Variants in NCKAP5L observed in about 807,000 individuals in gnomAD.
NCKAP5L encodes the protein NCK associated protein 5 like.
NCKAP5L carries 54 observed loss-of-function variants against 103.2 expected under a neutral mutation model. That is an observed-to-expected ratio of 0.52 (90% CI 0.42 to 0.66). The LOEUF (loss-of-function observed/expected upper bound fraction) is 0.66, where lower values mean the gene tolerates loss of function less well. NCKAP5L is among the 30% of genes least tolerant of loss of function. The pLI, the probability that NCKAP5L is intolerant of heterozygous loss-of-function variation, is 0.00. For synonymous variants in NCKAP5L, 762 were observed against 748.6 expected (o/e 1.02, Z -0.29); for missense variants, 1,733 against 1,750.6 (o/e 0.99, Z 0.18).
At position 49,795,310 on chromosome 12, in the gene NCKAP5L, C is replaced by T; in HGVS notation, c.2550G>A (p.Trp850Ter). The change falls in exon 8 of 13, where the codon TGG (tryptophan) becomes TGA (stop). Residue 850 changes from tryptophan to a stop codon, truncating the protein, a stop_gained. Coordinates refer to ENST00000335999, the MANE Select transcript of NCKAP5L (RefSeq NM_001037806.4). LOFTEE classifies it high-confidence loss of function. ...GGGCCGTGGTACTACCACAGTCTGC[C>T]CAGGGAGGGCCCTTCCCTTTGTCAG... Reference protein sequence around the residue: ...PKPDKGKGPPWADCGSTTAQS... With the variant: ...PKPDKGKGPP The T allele has an allele frequency of 6.5e-7, 1 of 1,529,404 alleles. No individual in the cohort carries two copies. Among genetic ancestry groups the T allele is most frequent in the Non-Finnish European group, 8.8e-7 (1 of 1,141,636 alleles). 94.7% of individuals were successfully genotyped at this position (1,529,404 alleles called of 1,614,324 possible).
At position 49,791,667 on chromosome 12, in the gene NCKAP5L, CGCCGAA is replaced by C. The variant is rs753749178; in HGVS notation, c.*166_*171del. 5 of 570,566 alleles carry C rather than the reference CGCCGAA, an allele frequency of 8.8e-6. No individual in the cohort carries two copies. Among genetic ancestry groups the C allele is most frequent in the African/African-American group, 1.9e-5 (1 of 52,722 alleles). The allele number at this position is 570,566 out of a possible 1,614,324, so 35.3% of individuals were successfully genotyped here. A position where few individuals can be genotyped will look rare whatever the true frequency, so the allele number is the denominator to read the frequency against. The stretch of plus-strand genomic sequence containing the variant: ...CTGAGCTGAGCACGGTCATCTCATC[CGCCGAA>C]GCAGTGGGTGGTGGGGTGTGCCAGG... On this transcript the variant is annotated 3_prime_UTR_variant, in exon 13 of 13. Coordinates refer to ENST00000335999, the MANE Select transcript of NCKAP5L (RefSeq NM_001037806.4).
At chr12:49,794,669 A>G in intron 8 of NCKAP5L, 96 bp downstream of exon 8, 3 of 983,624 alleles carry the variant, frequency 3.0e-6, no homozygotes, top group East Asian at 1.0e-4. Context: ...CCCAGCTCCC[A>G]GGAAAAGCAG....
At chr12:49,809,718 G>A (rs1309909952) in intron 1 of NCKAP5L, among the ~76,000 whole-genome samples, 3 of 152,172 alleles carry the variant, frequency 2.0e-5, no homozygotes, top group African/African-American at 7.2e-5. Flanking sequence ...GGAGTGTGGG[G>A]AGGGATAGGA....
chr12:49,796,230 T>C lies in NCKAP5L; in HGVS notation c.1630A>G (p.Thr544Ala), dbSNP rs1946039933. 3.2e-6 allele frequency: 5 copies of C among 1,579,828 alleles called. No individual in the cohort carries two copies. Among genetic ancestry groups the C allele is most frequent in the Non-Finnish European group, 4.3e-6 (5 of 1,163,742 alleles). Residue 544 changes from threonine (T) to alanine (A), a missense_variant, in exon 8 of 13, where the codon ACC becomes GCC. By Grantham distance (58) the Thr-to-Ala change is moderately conservative. Transcript: ENST00000335999. Reference sequence around the variant, plus strand: ...ACCACTGGGCCTGGGGACAGCGTGGTGGACAAGGCTGACTGCGGGGGTCTG... The same window carrying C: ...ACCACTGGGCCTGGGGACAGCGTGGCGGACAAGGCTGACTGCGGGGGTCTG... ...QLRPPQSALS[T>A]TLSPGPVVSP...
chr12:49,804,880 T>C (rs1946162453), intron 2 of NCKAP5L: 1 of 152,300 alleles, frequency 6.6e-6, no homozygotes, highest in Admixed American at 6.5e-5. Context: ...CCCTTAGCTC[T>C]AGCTCTGGCT....
At chr12:49,823,154 T>A (rs1946379398) in intron 1 of NCKAP5L, among the ~76,000 whole-genome samples, 2 of 152,026 alleles carry the variant, frequency 1.3e-5, no homozygotes, top group African/African-American at 4.8e-5. Flanking sequence ...CAGAAGTTGG[T>A]CAGGGGCACT....
At position 49,792,781 on chromosome 12, in the gene NCKAP5L, G is replaced by T; in HGVS notation, c.3546C>A (p.Gly1182=). 6.2e-7 allele frequency: 1 copy of T among 1,607,936 alleles called. No homozygotes were observed. Among genetic ancestry groups the T allele is most frequent in the South Asian group, 1.1e-5 (1 of 90,642 alleles). Residue 1182 remains glycine (G), a synonymous_variant, in exon 11 of 13, where the codon GGC becomes GGA. Transcript: ENST00000335999. The surrounding 1 kb of genome is among the most constrained non-coding windows in gnomAD (Gnocchi z 4.5). ...GCCCACTCACCAGCAGCTCCTCTAT[G>T]CCTGGCACCTCCCGCTCCAGTGTGT... The part of the protein sequence containing the change: ...RAHTLEREVP[G]IEELLVSGRH...
Position 49,797,321 on chromosome 12 carries a change from A to G in NCKAP5L, c.539T>C (p.Leu180Pro). 1 of 1,612,784 alleles carries G rather than the reference A, an allele frequency of 6.2e-7. No individual in the cohort carries two copies. Among genetic ancestry groups the G allele is most frequent in the Non-Finnish European group, 8.5e-7 (1 of 1,179,644 alleles). The change falls in exon 8 of 13, where the codon CTA becomes CCA. Residue 180 changes from leucine (L) to proline (P), a missense_variant. By Grantham distance (98) the Leu-to-Pro change is moderately conservative (BLOSUM62 -3). Coordinates refer to ENST00000335999, the MANE Select transcript of NCKAP5L (RefSeq NM_001037806.4). This position sits in a 1 kb window ranked among gnomAD's most constrained non-coding sequence, Gnocchi z 4.5. ...GGCCTTCTTCCGAAGGAACGGGGAT[A>G]GGGCATCCAGCGCTGGGGGTGGGGC... is the stretch of plus-strand genomic sequence containing the variant. The part of the protein sequence containing the change: ...PAAPPPALDA[L>P]SPFLRKKAQI...
chr12:49,810,213 G>A (rs555694416), intron 1 of NCKAP5L, among the ~76,000 whole-genome samples: 1 of 152,080 alleles, frequency 6.6e-6, no homozygotes, highest in South Asian at 2.1e-4. Context: ...GAGGGAAGGG[G>A]TGCCGACACA....
intron 1 of NCKAP5L, among the ~76,000 whole-genome samples, chr12:49,814,046 T>G (rs1230508642): frequency 6.6e-6 from 1 of 151,980 alleles, no homozygotes. Flanking sequence ...CTCCTCCTAG[T>G]AATCCTCCTG....
chr12:49,792,496 G>C lies in NCKAP5L; in HGVS notation c.3742C>G (p.Pro1248Ala), dbSNP rs1470994925. ...AGTTGTCGGGGTGGGCACATGAGAG[G>C]GTCCGAGGAGCTGCCGGCTGCCCTA... ...NTRAAGSSSD[P>A]LMCPPRQLEG... The change falls in exon 12 of 13, where the codon CCT (proline) becomes GCT (alanine). Residue 1248 changes from proline (P) to alanine (A), a missense_variant. Physicochemically the swap from Pro to Ala is conservative, Grantham distance 27 (BLOSUM62 -1). Transcript: ENST00000335999. The surrounding 1 kb of genome is among the most constrained non-coding windows in gnomAD (Gnocchi z 4.5). 4 of 1,613,382 alleles carry C rather than the reference G, an allele frequency of 2.5e-6. No homozygotes were observed. The highest frequency in any genetic ancestry group is 3.4e-6 in the Non-Finnish European group (4 of 1,179,630).
At chr12:49,814,160 T>TTATATA (rs141969862) in intron 1 of NCKAP5L, among the ~76,000 whole-genome samples, 3 of 124,640 alleles carry the variant, frequency 2.4e-5, no homozygotes, top group East Asian at 4.1e-4. Flanking sequence ...TATTTTATAT[T>TTATATA]TATATATATA....
Position 49,797,705 on chromosome 12 carries a change from ACTC to A in NCKAP5L, c.466-314_466-312del. Among the ~76,000 whole-genome samples the A allele has an allele frequency of 6.6e-6, 1 of 151,618 alleles. No homozygotes were observed. Among genetic ancestry groups the A allele is most frequent in the East Asian group, 1.9e-4 (1 of 5,140 alleles). On this transcript the variant is annotated intron_variant, in intron 7 of 12. Coordinates refer to ENST00000335999, the MANE Select transcript of NCKAP5L (RefSeq NM_001037806.4). This position sits in a 1 kb window ranked among gnomAD's most constrained non-coding sequence, Gnocchi z 4.5. Reference sequence around the variant, plus strand: ...GGATTAGCAGGGCTGACCACCTAAAACTCTGACCTCTGTGTTTGTCCCAGGGGA... The same window carrying A: ...GGATTAGCAGGGCTGACCACCTAAAATGACCTCTGTGTTTGTCCCAGGGGA...
intron 1 of NCKAP5L, among the ~76,000 whole-genome samples, chr12:49,813,649 G>A (rs754385994): frequency 1.5e-4 from 23 of 151,908 alleles, no homozygotes; most frequent in African/African-American, 4.4e-4. Flanking sequence ...TGTCTCAGCC[G>A]TCCGAGTACC....
At chr12:49,806,951 C>A (rs977997052) in intron 1 of NCKAP5L, among the ~76,000 whole-genome samples, 1 of 152,238 alleles carries the variant, frequency 6.6e-6, no homozygotes, top group African/African-American at 2.4e-5. Flanking sequence ...CTGACAGAGG[C>A]ACAGTACAAA....
At chr12:49,811,016 T>G (rs1311208141) in intron 1 of NCKAP5L, among the ~76,000 whole-genome samples, 1 of 152,176 alleles carries the variant, frequency 6.6e-6, no homozygotes, top group Non-Finnish European at 1.5e-5. Context: ...ATCTATTAGC[T>G]ACACCTGGCT....
intron 1 of NCKAP5L, among the ~76,000 whole-genome samples, chr12:49,807,273 G>GTGTGTA (rs1592755071): frequency 6.6e-6 from 1 of 152,016 alleles, no homozygotes; most frequent in East Asian, 1.9e-4. Flanking sequence ...GTGTGTGTGT[G>GTGTGTA]TACACAACAG....
rs746910214 is a variant in NCKAP5L at position 49,791,866 on chromosome 12, C to T, written c.3978G>A (p.Ser1326=). ...SESLSDSLYD[S]LSSCGSQG is the part of the protein sequence containing the mutation. ...AGCCCTGACTCCCACAAGAGGACAG[C>T]GAGTCGTAGAGTGAGTCACTGAGAG... Residue 1326 remains serine (S), a synonymous_variant, in exon 13 of 13, where the codon TCG becomes TCA. Coordinates refer to ENST00000335999, the MANE Select transcript of NCKAP5L (RefSeq NM_001037806.4). The T allele has an allele frequency of 2.1e-5, 33 of 1,609,378 alleles. 1 individual carries two copies. In the South Asian group the frequency reaches 2.9e-4, roughly 14 times the overall value.
Position 49,795,638 on chromosome 12 carries a change from G to A in NCKAP5L, c.2222C>T (p.Pro741Leu). 4.3e-6 allele frequency: 7 copies of A among 1,610,742 alleles called. No individual in the cohort carries two copies. Among genetic ancestry groups the A allele is most frequent in the Non-Finnish European group, 5.1e-6 (6 of 1,178,436 alleles). The change falls in exon 8 of 13, where the codon CCT becomes CTT. Residue 741 changes from proline (P) to leucine (L), a missense_variant. Physicochemically the swap from Pro to Leu is moderately conservative, Grantham distance 98 (BLOSUM62 -3). Coordinates refer to ENST00000335999, the MANE Select transcript of NCKAP5L (RefSeq NM_001037806.4). ...LGTNSLKQQE[P>L]GLMGDPGARV... The stretch of plus-strand genomic sequence containing the variant: ...GGCCCCGGGATCCCCCATAAGTCCA[G>A]GTTCCTGCTGCTTCAGGCTGTTTGT...
Sources: allele counts gnomAD v4.1 joint callset (sites outside exome capture counted in the v4.1 genomes callset), GRCh38; gene constraint gnomAD v4.1.1; non-coding constraint Gnocchi (gnomAD v3.1); transcripts MANE v1.5; gene names NCBI Gene and HGNC (gene_info 2026-07-23, HGNC 2026-07-21).